The following ZDHHC20 variants were observed in gnomAD, a reference collection of about 807,000 sequenced individuals.
ZDHHC20 encodes palmitoyltransferase ZDHHC20.
Under a neutral mutation model 57.8 loss-of-function variants are expected in ZDHHC20, and 43 were observed. The observed-to-expected ratio is 0.74, with a 90% CI of 0.58 to 0.96. The LOEUF (loss-of-function observed/expected upper bound fraction) is 0.96. ZDHHC20 is among the 40% of genes least tolerant of loss of function. The pLI is 0.00. For missense variants in ZDHHC20, 391 were observed against 441.1 expected (o/e 0.89, Z 1.02); for synonymous variants, 157 against 153.0 (o/e 1.03, Z -0.19).
In ZDHHC20 at chr13:21,451,330, G is replaced by GT. The variant is rs561926163; in HGVS notation, c.118+7723dup. Among the ~76,000 whole-genome samples the GT allele has an allele frequency of 4.5e-3, 683 of 152,230 alleles. 4 individuals are homozygous for GT. Among genetic ancestry groups the GT allele is most frequent in the African/African-American group, 0.016 (656 of 41,522 alleles). On this transcript the variant is annotated intron_variant, in intron 1 of 12. Coordinates refer to ENST00000400590, the MANE Select transcript of ZDHHC20 (RefSeq NM_001330059.2). Reference sequence around the variant, plus strand: ...GTCCTAACATTCAAACACGATTCAAGTGAGTTTACAAGAGTATGATTCAAT... The same window carrying GT: ...GTCCTAACATTCAAACACGATTCAAGTTGAGTTTACAAGAGTATGATTCAAT...
chr13:21,426,579 T>C lies in ZDHHC20; in HGVS notation c.119-901A>G, dbSNP rs188183540. 3.9e-5 allele frequency among the ~76,000 whole-genome samples: 6 copies of C among 151,904 alleles called. No individual in the cohort carries two copies. In the East Asian group the frequency reaches 1.2e-3, roughly 29 times the overall value. ...CTGTAATCTACAATCTGTCTACCTC[T>C]CTGGTTTCTTCCTTTTTTTCTCCTT... On this transcript the variant is annotated intron_variant, in intron 1 of 12. Coordinates refer to ENST00000400590, the MANE Select transcript of ZDHHC20 (RefSeq NM_001330059.2).
At chr13:21,380,702 G>A (rs2137640597) in intron 11 of ZDHHC20, among the ~76,000 whole-genome samples, 1 of 151,380 alleles carries the variant, frequency 6.6e-6, no homozygotes, top group South Asian at 2.1e-4. Flanking sequence ...TGAGGCAGGG[G>A]AATCACTTGA....
At chr13:21,409,693 G>C (rs1171714414) in intron 4 of ZDHHC20, among the ~76,000 whole-genome samples, 3 of 151,944 alleles carry the variant, frequency 2.0e-5, no homozygotes, top group Non-Finnish European at 4.4e-5. Context: ...ATTGATACTT[G>C]TGTATGCTTC....
At chr13:21,458,105 G>A (rs374625379) in intron 1 of ZDHHC20, among the ~76,000 whole-genome samples, 10 of 152,214 alleles carry the variant, frequency 6.6e-5, no homozygotes, top group African/African-American at 2.2e-4. Flanking sequence ...ACAAAACAAT[G>A]TTGGAGAAAT....
At chr13:21,385,339 G>T (rs1033101180) in intron 9 of ZDHHC20, among the ~76,000 whole-genome samples, 2 of 152,174 alleles carry the variant, frequency 1.3e-5, no homozygotes, top group Non-Finnish European at 2.9e-5. Context: ...TGAGGCACAA[G>T]AATTGCTTGA....
At chr13:21,399,366 A>C (rs929151333) in intron 7 of ZDHHC20, among the ~76,000 whole-genome samples, 2 of 151,876 alleles carry the variant, frequency 1.3e-5, no homozygotes, top group African/African-American at 4.8e-5. Context: ...AAATCAAATA[A>C]AAATAAAAAT....
In ZDHHC20 at chr13:21,395,556, G is replaced by A. The variant is rs543035126; in HGVS notation, c.595-3702C>T. ...TGTCGCCAGGCTGGAGTGCAGTGGC[G>A]TGATCCGTGATCTTGGCTCACTGGA... On this transcript the variant is annotated intron_variant, in intron 7 of 12. Transcript: ENST00000400590. Among the ~76,000 whole-genome samples, 244 of 142,180 alleles carry A rather than the reference G, an allele frequency of 1.7e-3. 2 individuals carry two copies. Among genetic ancestry groups the A allele is most frequent in the African/African-American group, 6.0e-3 (230 of 38,146 alleles). 93.3% of individuals were successfully genotyped at this position (142,180 alleles called of 152,430 possible). A position where few individuals can be genotyped will look rare whatever the true frequency, so the allele number is the denominator to read the frequency against.
rs767208232 is a variant in ZDHHC20 at position 21,435,124 on chromosome 13, G to A, written c.119-9446C>T. Reference sequence around the variant, plus strand: ...AAGTTTTCAATCTTTTGGTATGGCAGGATAATTTTACCTCGTATTTATCTT... The same window carrying A: ...AAGTTTTCAATCTTTTGGTATGGCAAGATAATTTTACCTCGTATTTATCTT... On this transcript the variant is annotated intron_variant, in intron 1 of 12. Transcript: ENST00000400590. 5.1e-4 allele frequency among the ~76,000 whole-genome samples: 77 copies of A among 152,220 alleles called. 1 individual carries two copies. The highest frequency in any genetic ancestry group is 9.6e-4 in the Non-Finnish European group (65 of 68,010).
At chr13:21,404,199 A>G (rs949517490) in intron 4 of ZDHHC20, 5 of 434,916 alleles carry the variant, frequency 1.1e-5, no homozygotes, top group African/African-American at 8.2e-5. Flanking sequence ...TACAGAATAC[A>G]TTTATGACTG....
chr13:21,430,972 C>G (rs907997679), intron 1 of ZDHHC20, among the ~76,000 whole-genome samples: 2 of 152,134 alleles, frequency 1.3e-5, no homozygotes, highest in Admixed American at 1.3e-4. Context: ...CCTGCTTGTC[C>G]TTTTACTGCC....
At chr13:21,404,761 A>G (rs1878216827) in intron 4 of ZDHHC20, among the ~76,000 whole-genome samples, 2 of 152,084 alleles carry the variant, frequency 1.3e-5, no homozygotes, top group South Asian at 4.1e-4. Flanking sequence ...CTCAAAAAAA[A>G]AAAAAAAGCA....
At chr13:21,404,616 T>C (rs905353613) in intron 4 of ZDHHC20, among the ~76,000 whole-genome samples, 1 of 151,936 alleles carries the variant, frequency 6.6e-6, no homozygotes. Flanking sequence ...TAGCTGGGCG[T>C]GGTGGTGGGC....
chr13:21,394,636 A>G (rs765418936), intron 7 of ZDHHC20, among the ~76,000 whole-genome samples: 4 of 152,216 alleles, frequency 2.6e-5, no homozygotes, highest in African/African-American at 7.2e-5. Flanking sequence ...AAAGTTATTC[A>G]TTCTTTAATA....
At chr13:21,443,376 A>G (rs1883368205) in intron 1 of ZDHHC20, among the ~76,000 whole-genome samples, 1 of 152,212 alleles carries the variant, frequency 6.6e-6, no homozygotes. Flanking sequence ...TCTTCTGAGG[A>G]TGAACAAAGA....
intron 8 of ZDHHC20, chr13:21,390,381 T>C (rs924559722): frequency 1.3e-5 from 2 of 152,216 alleles, no homozygotes; most frequent in Non-Finnish European, 2.9e-5. Context: ...TAGGGAATGT[T>C]TGTCCAATTA....
At chr13:21,402,702 CAAGTGTAAAGCATATA>C in intron 5 of ZDHHC20, 79 bp downstream of exon 5, 5 of 1,007,468 alleles carry the variant, frequency 5.0e-6, no homozygotes, top group Non-Finnish European at 7.5e-6. Context: ...GTGTTCTTGT[CAAGTGTAAAGCATATA>C]AAATGTTCCT....
At chr13:21,379,205 G>T (rs542934463) in intron 11 of ZDHHC20, among the ~76,000 whole-genome samples, 1 of 151,984 alleles carries the variant, frequency 6.6e-6, no homozygotes, top group Non-Finnish European at 1.5e-5. Flanking sequence ...TCAGAAATTC[G>T]AACAGTAGGT....
chr13:21,430,237 G>GA (rs1881753980), intron 1 of ZDHHC20, among the ~76,000 whole-genome samples: 1 of 152,084 alleles, frequency 6.6e-6, no homozygotes, highest in Non-Finnish European at 1.5e-5. Context: ...AGAGATGTGG[G>GA]AGCACCACCT....
At chr13:21,446,436 T>C (rs1883706488) in intron 1 of ZDHHC20, among the ~76,000 whole-genome samples, 1 of 152,204 alleles carries the variant, frequency 6.6e-6, no homozygotes, top group African/African-American at 2.4e-5. Context: ...ATTTAATAAG[T>C]TTGTGTTTGT....
Sources: allele counts gnomAD v4.1 joint callset (sites outside exome capture counted in the v4.1 genomes callset), GRCh38; gene constraint gnomAD v4.1.1; transcripts MANE v1.5; gene names NCBI Gene and HGNC (gene_info 2026-07-23, HGNC 2026-07-21).